Variants in OPTN observed in about 807,000 individuals in gnomAD.
The protein encoded by OPTN is optineurin.
In OPTN, 54 loss-of-function variants were observed where a neutral mutation model predicts 70.4. The observed-to-expected ratio is 0.77, with a 90% CI of 0.62 to 0.96. The LOEUF is 0.96. Ranked by LOEUF, OPTN falls within the 40% of genes least tolerant of loss-of-function variation. The probability of loss-of-function intolerance (pLI) is 0.00; values close to 1 mark genes in which losing one functional copy is unlikely to be tolerated. For synonymous variants in OPTN, 256 were observed against 248.5 expected (o/e 1.03, Z -0.28); for missense variants, 624 against 673.2 (o/e 0.93, Z 0.81).
At chr10:13,103,027 G>A (rs1003350217) in intron 1 of OPTN, among the ~76,000 whole-genome samples, 1 of 152,092 alleles carries the variant, frequency 6.6e-6, no homozygotes, top group Non-Finnish European at 1.5e-5. Context: ...GGAAAAGGGG[G>A]CTGGGAAGAA....
Position 13,116,326 on chromosome 10 carries a change from A to C in OPTN, c.612A>C (p.Thr204=). 6.2e-7 allele frequency: 1 copy of C among 1,613,286 alleles called. No homozygotes were observed. Among genetic ancestry groups the C allele is most frequent in the African/African-American group, 1.3e-5 (1 of 75,020 alleles). ...EIKHSPGPTR[T]VSTGTALSKY... ...AGCATAGTCCTGGGCCCACGAGAAC[A>C]GTCTCCACTGGCACGTATGTGAAGG... The change falls in exon 6 of 15, where the codon ACA becomes ACC. Residue 204 remains threonine (T), a synonymous_variant. Transcript: ENST00000378747.
At chr10:13,102,219 G>A (rs1037342767) in intron 1 of OPTN, among the ~76,000 whole-genome samples, 1 of 152,186 alleles carries the variant, frequency 6.6e-6, no homozygotes, top group Non-Finnish European at 1.5e-5. Context: ...AAGAATGCAG[G>A]GAACCGTGAG....
intron 4 of OPTN, among the ~76,000 whole-genome samples, chr10:13,111,331 G>C (rs1453766419): frequency 6.6e-6 from 1 of 152,180 alleles, no homozygotes; most frequent in Non-Finnish European, 1.5e-5. Flanking sequence ...TTCTTGTCAT[G>C]AAGTTACTTT....
In OPTN at chr10:13,111,503, G is replaced by T. The variant is rs191226491; in HGVS notation, c.370-950G>T. 4.1e-4 allele frequency among the ~76,000 whole-genome samples: 62 copies of T among 151,342 alleles called. 4 individuals carry two copies. The highest frequency in any genetic ancestry group is 3.0e-3 in the Admixed American group (46 of 15,140). ...ACCTGAGGTGAGGAGTTCGAGACCA[G>T]CCTGGCCAACATGGCGAAACCCCAT... On this transcript the variant is annotated intron_variant, in intron 4 of 14. Transcript: ENST00000378747.
chr10:13,104,613 G>A (rs1051642000), intron 1 of OPTN: 11 of 674,948 alleles, frequency 1.6e-5, no homozygotes, highest in Non-Finnish European at 2.5e-5. Flanking sequence ...CTGTTTCCTC[G>A]TATTACCACC....
At chr10:13,124,893 G>A (rs994538699) in intron 9 of OPTN, among the ~76,000 whole-genome samples, 1 of 152,216 alleles carries the variant, frequency 6.6e-6, no homozygotes, top group African/African-American at 2.4e-5. Context: ...TGTGTTAAAT[G>A]ATATGTCTAA....
chr10:13,114,546 C>T (rs185619319), intron 5 of OPTN, among the ~76,000 whole-genome samples: 16 of 151,316 alleles, frequency 1.1e-4, no homozygotes, highest in Admixed American at 9.3e-4. Flanking sequence ...AGTGTAAACA[C>T]GTTTTGCATG....
intron 6 of OPTN, among the ~76,000 whole-genome samples, chr10:13,116,695 C>A (rs1033466924): frequency 3.9e-5 from 6 of 152,178 alleles, no homozygotes; most frequent in Non-Finnish European, 5.9e-5. Flanking sequence ...CCCAGACCAG[C>A]CTGCCCAGCT....
chr10:13,108,783 T>C (rs1351474976), intron 2 of OPTN, among the ~76,000 whole-genome samples: 1 of 152,066 alleles, frequency 6.6e-6, no homozygotes, highest in South Asian at 2.1e-4. Flanking sequence ...CCTGACCTCA[T>C]GATCTGTCCG....
chr10:13,133,179 G>C (rs1833628901), intron 13 of OPTN, among the ~76,000 whole-genome samples: 1 of 152,082 alleles, frequency 6.6e-6, no homozygotes, highest in African/African-American at 2.4e-5. Flanking sequence ...ATAATATTAT[G>C]ATTTTGAGCT....
intron 11 of OPTN, among the ~76,000 whole-genome samples, chr10:13,126,906 C>G (rs928358824): frequency 6.6e-6 from 1 of 152,098 alleles, no homozygotes; most frequent in Non-Finnish European, 1.5e-5. Flanking sequence ...TGCCTGCGGT[C>G]CCAGCTCCTT....
intron 12 of OPTN, among the ~76,000 whole-genome samples, chr10:13,128,388 T>C (rs1264201399): frequency 6.6e-6 from 1 of 152,038 alleles, no homozygotes; most frequent in East Asian, 1.9e-4. Flanking sequence ...GGAGGGTATA[T>C]AGTGGTATCT....
At chr10:13,117,053 A>G (rs920083816) in intron 6 of OPTN, among the ~76,000 whole-genome samples, 2 of 144,912 alleles carry the variant, frequency 1.4e-5, no homozygotes, top group Non-Finnish European at 3.0e-5. Flanking sequence ...TCAAGAGACG[A>G]TTGTCTGAAA....
chr10:13,115,487 CTA>C (rs1833173836), intron 5 of OPTN, among the ~76,000 whole-genome samples: 3 of 91,230 alleles, frequency 3.3e-5, no homozygotes, highest in African/African-American at 1.8e-4. Context: ...ATAATATATT[CTA>C]TATTATATAA....
intron 13 of OPTN, 45 bp from the exon 14 acceptor site, chr10:13,133,457 G>A (rs528903454): frequency 3.8e-5 from 58 of 1,518,708 alleles, no homozygotes; most frequent in Admixed American, 1.7e-4. Context: ...GTCATGTTTC[G>A]GGGTTGTAGA....
At chr10:13,109,032 G>A (rs1489283691) in intron 2 of OPTN, 80 bp from the exon 3 acceptor site, 12 of 1,287,296 alleles carry the variant, frequency 9.3e-6, no homozygotes, top group South Asian at 3.6e-5. Context: ...ATTAGCAATC[G>A]CCAATGGGTT....
chr10:13,122,636 T>TC, intron 8 of OPTN, 149 bp downstream of exon 8: 2 of 711,478 alleles, frequency 2.8e-6, no homozygotes, highest in Non-Finnish European at 5.2e-6. Flanking sequence ...CTTTTATATG[T>TC]CCTTGTCCTG....
rs267606928 is a variant in OPTN at position 13,125,989 on chromosome 10, C to G, written c.1192C>G (p.Gln398Glu). 1.6e-5 allele frequency: 25 copies of G among 1,612,610 alleles called. No individual in the cohort carries two copies. The highest frequency in any genetic ancestry group is 1.9e-5 in the Non-Finnish European group (22 of 1,178,956). ...VLQMTHNKLLQEHNNALKTIE... is the reference protein window; with the variant it reads ...VLQMTHNKLLEEHNNALKTIE... ...ACAGATGACACACAACAAGCTTCTTCAAGAACATAATAATGCATTGAAAAC... is the reference window on the plus strand; with the variant it reads ...ACAGATGACACACAACAAGCTTCTTGAAGAACATAATAATGCATTGAAAAC... The change falls in exon 11 of 15, where the codon CAA (glutamine) becomes GAA (glutamate). Residue 398 changes from glutamine to glutamate, a missense_variant. Transcript: ENST00000378747.
At chr10:13,121,498 T>C (rs1360652075) in intron 7 of OPTN, among the ~76,000 whole-genome samples, 1 of 84,432 alleles carries the variant, frequency 1.2e-5, no homozygotes, top group Non-Finnish European at 2.1e-5. Context: ...CTGATTATCC[T>C]GTAAAAAAAA....
Sources: gnomAD v4.1 joint callset for allele counts (sites outside exome capture counted in the v4.1 genomes callset) on GRCh38, gnomAD v4.1.1 for gene constraint, MANE v1.5 for transcripts, NCBI Gene and HGNC (gene_info 2026-07-23, HGNC 2026-07-21) for gene names.